Variants in NEMP2 observed in about 807,000 individuals in gnomAD.
NEMP2 encodes the protein nuclear envelope integral membrane protein 2.
In NEMP2, 53 loss-of-function variants were observed where a neutral mutation model predicts 54.2. That is an observed-to-expected ratio of 0.98 (90% CI 0.78 to 1.23). The LOEUF is 1.23. NEMP2 is among the 50% of genes most tolerant of loss of function. NEMP2 has a pLI of 0.00. For missense variants in NEMP2, 455 were observed against 511.3 expected (o/e 0.89, Z 1.06); for synonymous variants, 197 against 190.3 (o/e 1.04, Z -0.29).
the NEMP2 span, among the ~76,000 whole-genome samples, chr2:190,634,729 G>A: frequency 6.6e-6 from 1 of 152,154 alleles, no homozygotes. This position sits in a 1 kb window ranked among gnomAD's most constrained non-coding sequence, Gnocchi z 6.8. Context: ...AAAATCCATA[G>A]CTGTTCATGA....
chr2:190,428,231 C>T, the NEMP2 span, among the ~76,000 whole-genome samples: 1 of 152,304 alleles, frequency 6.6e-6, no homozygotes, highest in Non-Finnish European at 1.5e-5. Flanking sequence ...GGAAATACTA[C>T]AATTTATGTA....
chr2:190,541,221 CTCTGATAT>C, the NEMP2 span, among the ~76,000 whole-genome samples: 1 of 151,442 alleles, frequency 6.6e-6, no homozygotes, highest in Non-Finnish European at 1.5e-5. The surrounding 1 kb of genome is among the most constrained non-coding windows in gnomAD (Gnocchi z 5.2). Flanking sequence ...TTTAGTTCTG[CTCTGATAT>C]TTACTACTTC....
At chr2:190,624,686 T>G in the NEMP2 span, 1 of 152,210 alleles carries the variant, frequency 6.6e-6, no homozygotes, top group African/African-American at 2.4e-5. Flanking sequence ...GTCATTATGT[T>G]GAGTGAAATA....
At chr2:190,427,134 C>A in the NEMP2 span, among the ~76,000 whole-genome samples, 1 of 152,230 alleles carries the variant, frequency 6.6e-6, no homozygotes, top group Non-Finnish European at 1.5e-5. Flanking sequence ...GACATCACCC[C>A]AGTGGGGAAA....
the NEMP2 span, among the ~76,000 whole-genome samples, chr2:190,623,179 A>G: frequency 6.6e-6 from 1 of 152,208 alleles, no homozygotes; most frequent in South Asian, 2.1e-4. Context: ...AGGACAAAAC[A>G]AGGGAAAAAT....
chr2:190,610,034 G>T, the NEMP2 span: 2 of 151,886 alleles, frequency 1.3e-5, no homozygotes, highest in African/African-American at 4.8e-5. This position sits in a 1 kb window ranked among gnomAD's most constrained non-coding sequence, Gnocchi z 5.4. Flanking sequence ...AAAAGGAAAA[G>T]AAAAAGGGAA....
At chr2:190,553,211 T>C in the NEMP2 span, 1 of 151,350 alleles carries the variant, frequency 6.6e-6, no homozygotes, top group African/African-American at 2.4e-5. Flanking sequence ...ATAGTCCTCT[T>C]AGGGAGATAC....
rs1690676894 is a variant in NEMP2 at position 190,519,388 on chromosome 2, T to C, written c.214-205A>G. Among the ~76,000 whole-genome samples, 1 of 152,042 alleles carries C rather than the reference T, an allele frequency of 6.6e-6. No individual in the cohort carries two copies. The highest frequency in any genetic ancestry group is 6.5e-5 in the Admixed American group (1 of 15,270). Reference sequence around the variant, plus strand: ...AGGCACATGCCACCTGCCCAGCTAATTTTTGTATTTTTTGTAGAGATGAGG... The same window carrying C: ...AGGCACATGCCACCTGCCCAGCTAACTTTTGTATTTTTTGTAGAGATGAGG... On this transcript the variant is annotated intron_variant, in intron 2 of 8. Transcript: ENST00000409150. The surrounding 1 kb of genome is among the most constrained non-coding windows in gnomAD (Gnocchi z 5.4).
the NEMP2 span, among the ~76,000 whole-genome samples, chr2:190,647,767 T>G: frequency 7.4e-6 from 1 of 134,230 alleles, no homozygotes; most frequent in East Asian, 2.3e-4. Flanking sequence ...CAAGCTGGAG[T>G]GCAATGGCAC....
intron 1 of NEMP2, 83 bp downstream of exon 1, chr2:190,534,476 G>A: frequency 7.8e-7 from 1 of 1,286,106 alleles, no homozygotes; most frequent in Non-Finnish European, 9.8e-7. Context: ...TGCCGCCCGG[G>A]CCAAAGAGCG....
At chr2:190,588,253 C>T in the NEMP2 span, among the ~76,000 whole-genome samples, 5 of 152,108 alleles carry the variant, frequency 3.3e-5, no homozygotes, top group Non-Finnish European at 7.3e-5. The surrounding 1 kb of genome is among the most constrained non-coding windows in gnomAD (Gnocchi z 5.0). Flanking sequence ...CTGTGGGGAA[C>T]CAGAGATGAG....
the NEMP2 span, among the ~76,000 whole-genome samples, chr2:190,588,955 A>G: frequency 1.3e-4 from 20 of 152,260 alleles, no homozygotes; most frequent in African/African-American, 4.1e-4. This position sits in a 1 kb window ranked among gnomAD's most constrained non-coding sequence, Gnocchi z 5.0. Flanking sequence ...GATCCCTACT[A>G]CCAAGTATTA....
chr2:190,473,889 C>A, the NEMP2 span, among the ~76,000 whole-genome samples: 3 of 152,144 alleles, frequency 2.0e-5, no homozygotes, highest in African/African-American at 7.2e-5. Flanking sequence ...TGCAATCAAA[C>A]TAGAACTCAG....
At chr2:190,537,486 TGAA>T (rs913961696), upstream of NEMP2, among the ~76,000 whole-genome samples, 8 of 152,306 alleles carry the variant, frequency 5.3e-5, no homozygotes, top group African/African-American at 1.9e-4. Flanking sequence ...TGCTGCCTTG[TGAA>T]GAAGGACATG....
At position 190,534,583 on chromosome 2, in the gene NEMP2, C is replaced by A; in HGVS notation, c.73G>T (p.Glu25Ter). The A allele has an allele frequency of 7.1e-7, 1 of 1,399,592 alleles. No homozygotes were observed. Among genetic ancestry groups the A allele is most frequent in the Non-Finnish European group, 9.2e-7 (1 of 1,082,044 alleles). 86.7% of individuals were successfully genotyped at this position (1,399,592 alleles called of 1,614,324 possible). ...CCTGATAACGCTGCCGCCGCCGCCT[C>A]CCCGCGCACGGGCAGTGTGGCCAGG... is the stretch of plus-strand genomic sequence containing the variant. ...PPLATLPVRG[E>*]AAAAALSVRR... The change falls in exon 1 of 9, where the codon GAG (glutamate) becomes TAG (stop). Residue 25 changes from glutamate to a stop codon, truncating the protein, a stop_gained. Transcript: ENST00000409150. LOFTEE classifies it high-confidence loss of function.
chr2:190,648,516 G>GT, the NEMP2 span: 58,608 of 122,528 alleles, frequency 0.48, 13,557 homozygotes, highest in South Asian at 0.6. Context: ...GCGCGCTGTT[G>GT]TTTTTTTTTT....
the NEMP2 span, among the ~76,000 whole-genome samples, chr2:190,567,893 C>A: frequency 2.0e-5 from 3 of 152,126 alleles, no homozygotes; most frequent in South Asian, 2.1e-4. The surrounding 1 kb of genome is among the most constrained non-coding windows in gnomAD (Gnocchi z 4.0). Flanking sequence ...GCGATTCGCC[C>A]GCCTTGGTCC....
At chr2:190,515,114 G>C (rs188616465) in intron 6 of NEMP2, among the ~76,000 whole-genome samples, 3 of 152,128 alleles carry the variant, frequency 2.0e-5, no homozygotes, top group Admixed American at 1.3e-4. Context: ...TCATCATTAC[G>C]ATGGTGAGAC....
chr2:190,594,398 C>T, the NEMP2 span, among the ~76,000 whole-genome samples: 3 of 152,188 alleles, frequency 2.0e-5, no homozygotes, highest in African/African-American at 7.2e-5. This position sits in a 1 kb window ranked among gnomAD's most constrained non-coding sequence, Gnocchi z 5.6. Context: ...AGTATAGAAA[C>T]ATGTCTTGTT....
Sources: allele counts gnomAD v4.1 joint callset (sites outside exome capture counted in the v4.1 genomes callset), GRCh38; gene constraint gnomAD v4.1.1; non-coding constraint Gnocchi (gnomAD v3.1); transcripts MANE v1.5; gene names NCBI Gene and HGNC (gene_info 2026-07-23, HGNC 2026-07-21).